IL32: variants seen among roughly 807,000 people sequenced by gnomAD.
IL32 encodes interleukin-32.
A neutral mutation model predicts 16.6 loss-of-function variants in IL32; 30 were observed. That is an observed-to-expected ratio of 1.81 (90% CI 1.35 to 2.45). The LOEUF (loss-of-function observed/expected upper bound fraction) is 2.45. IL32 is among the 30% of genes most tolerant of loss of function. The pLI is 0.00. For missense variants in IL32, 234 were observed against 229.8 expected (o/e 1.02, Z -0.12); for synonymous variants, 70 against 86.1 (o/e 0.81, Z 1.03).
At chr16:3,068,634 G>T (rs970083745) in intron 6 of IL32, 2 of 420,234 alleles carry the variant, frequency 4.8e-6, no homozygotes, top group Non-Finnish European at 4.5e-6. Flanking sequence ...TCTTGATGTG[G>T]TGTGGGCAGG....
At chr16:3,068,630 T>C (rs1355814544) in intron 6 of IL32, 1 of 416,492 alleles carries the variant, frequency 2.4e-6, no homozygotes, top group Non-Finnish European at 4.5e-6. Context: ...CCTGTCTTGA[T>C]GTGGTGTGGG....
intron 6 of IL32, 155 bp downstream of exon 6, chr16:3,068,394 A>G: frequency 1.5e-6 from 1 of 680,698 alleles, no homozygotes; most frequent in Non-Finnish European, 2.5e-6. Context: ...CAACCTCCAA[A>G]TCTCGGGTTT....
chr16:3,066,223 C>T (rs1027180121), intron 2 of IL32, among the ~76,000 whole-genome samples: 2 of 152,000 alleles, frequency 1.3e-5, no homozygotes, highest in Non-Finnish European at 1.5e-5. Context: ...CCTCCGACCT[C>T]CCATCCTCTA....
intron 2 of IL32, 123 bp downstream of exon 2, chr16:3,065,949 A>G: frequency 8.6e-7 from 1 of 1,167,152 alleles, no homozygotes; most frequent in East Asian, 2.3e-5. Context: ...ACCCAGCGGC[A>G]GGAGGATAGT....
intron 2 of IL32, 40 bp downstream of exon 2, chr16:3,065,866 A>G: frequency 6.2e-7 from 1 of 1,613,394 alleles, no homozygotes; most frequent in Non-Finnish European, 8.5e-7. Flanking sequence ...GGCATGTCTG[A>G]AAACAGACCG....
rs768089141 is a variant in IL32, at chr16:3,069,048, C to T, written c.260C>T (p.Ser87Phe). ...GGATTACGGTGCCGAGGCAACAGAT[C>T]CCCTGTCCCGGATGTTGAGGATCCC... is the stretch of plus-strand genomic sequence containing the variant. ...RDGLRCRGNR[S>F]PVPDVEDPAT... The change falls in exon 7 of 7, where the codon TCC becomes TTC. Residue 87 changes from serine (S) to phenylalanine (F), a missense_variant. Ser to Phe is a radical substitution (Grantham distance 155, BLOSUM62 -2). Coordinates refer to ENST00000525643, the MANE Select transcript of IL32 (RefSeq NM_001376923.1). 9 of 1,606,428 alleles carry T rather than the reference C, an allele frequency of 5.6e-6. No homozygotes were observed. The South Asian group carries it at 8.8e-5, about 16-fold the overall frequency.
chr16:3,066,986 A>G (rs1956394324), intron 2 of IL32, among the ~76,000 whole-genome samples: 1 of 91,692 alleles, frequency 1.1e-5, no homozygotes, highest in Non-Finnish European at 2.3e-5. Flanking sequence ...AGGAGGGGTC[A>G]CCTAGGCCCA....
chr16:3,066,276 G>A (rs1421583827), intron 2 of IL32, among the ~76,000 whole-genome samples: 5 of 152,034 alleles, frequency 3.3e-5, no homozygotes, highest in Admixed American at 2.0e-4. Flanking sequence ...CACCCTCCAG[G>A]GAGCTCTTCG....
rs545580673 is a variant in IL32 at position 3,066,142 on chromosome 16, C to A, written c.15+316C>A. The stretch of plus-strand genomic sequence containing the variant: ...CTCGGAGAATGCTTCTCTCAGAGGC[C>A]GGCTCAGCTGGGTGGGCCCAAGAGC... On this transcript the variant is annotated intron_variant, in intron 2 of 6. Coordinates refer to ENST00000525643, the MANE Select transcript of IL32 (RefSeq NM_001376923.1). Among the ~76,000 whole-genome samples the A allele has an allele frequency of 3.3e-5, 5 of 152,240 alleles. No homozygotes were observed. The East Asian group carries it at 7.7e-4, about 24-fold the overall frequency.
At position 3,067,664 on chromosome 16, in the gene IL32, A is replaced by G. The variant is rs116296862; in HGVS notation, c.114+51A>G. On this transcript the variant is annotated intron_variant, in intron 4 of 6. Transcript: ENST00000525643. Reference sequence around the variant, plus strand: ...AGGTCACATGTCCCCGCCCCCAGGCACTCCACCCTGTGTGGGGCTCAGGGT... The same window carrying G: ...AGGTCACATGTCCCCGCCCCCAGGCGCTCCACCCTGTGTGGGGCTCAGGGT... 1.7e-3 allele frequency: 2,301 copies of G among 1,357,906 alleles called. 18 individuals are homozygous for G. In the African/African-American group the frequency reaches 0.019, roughly 12 times the overall value. 84.1% of individuals were successfully genotyped at this position (1,357,906 alleles called of 1,614,324 possible). A position where few individuals can be genotyped will look rare whatever the true frequency, so the allele number is the denominator to read the frequency against.
At chr16:3,066,585 G>A (rs561326006) in intron 2 of IL32, among the ~76,000 whole-genome samples, 1 of 152,016 alleles carries the variant, frequency 6.6e-6, no homozygotes, top group African/African-American at 2.4e-5. Context: ...GGATTCTGTG[G>A]GGTGCCTCTG....
At chr16:3,067,275 G>GTGTGTGTGTGTGTGTGTGTCTC in intron 2 of IL32, 102 bp from the exon 3 acceptor site, 3 of 204,422 alleles carry the variant, frequency 1.5e-5, no homozygotes, top group Non-Finnish European at 2.7e-5. Flanking sequence ...GTGTCTCTGT[G>GTGTGTGTGTGTGTGTGTGTCTC]TGTGTGTGTG....
rs770698538 is a variant in IL32, at chr16:3,067,857, G to C, written c.115-127G>C. On this transcript the variant is annotated intron_variant, in intron 4 of 6. Transcript: ENST00000525643. ...AGGAAACAACAGGGGTGCCAGACGT[G>C]GCCCGGGCCCCTGGCTGGGCCCAGT... The C allele has an allele frequency of 1.4e-5, 16 of 1,137,534 alleles. No homozygotes were observed. The African/African-American group carries it at 2.4e-4, about 17-fold the overall frequency. 70.5% of individuals were successfully genotyped at this position (1,137,534 alleles called of 1,614,324 possible).
At position 3,068,197 on chromosome 16, in the gene IL32, C is replaced by T. The variant is rs1304354366; in HGVS notation, c.159C>T (p.Gly53=). 3.1e-6 allele frequency: 5 copies of T among 1,604,158 alleles called. No homozygotes were observed. The highest frequency in any genetic ancestry group is 2.2e-5 in the East Asian group (1 of 44,542). Reference sequence around the variant, plus strand: ...CTCCCCAGGACGACTTCAAAGAGGGCTACCTGGAGACAGTGGCGGCTTATT... The same window carrying T: ...CTCCCCAGGACGACTTCAAAGAGGGTTACCTGGAGACAGTGGCGGCTTATT... ...LAELEDDFKE[G]YLETVAAYYE... Residue 53 remains glycine, a synonymous_variant, in exon 6 of 7, where the codon GGC becomes GGT. Transcript: ENST00000525643.
chr16:3,066,235 C>T (rs987508526), intron 2 of IL32, among the ~76,000 whole-genome samples: 3 of 151,528 alleles, frequency 2.0e-5, no homozygotes, highest in African/African-American at 7.4e-5. Flanking sequence ...CATCCTCTAC[C>T]ACTGCCCCAC....
chr16:3,067,312 T>G, intron 2 of IL32, 65 bp from the exon 3 acceptor site: 2 of 826,848 alleles, frequency 2.4e-6, no homozygotes, highest in South Asian at 1.6e-5. Context: ...TGTGTGTGTA[T>G]AAATTATCCT....
intron 2 of IL32, among the ~76,000 whole-genome samples, chr16:3,066,668 G>T (rs904769063): frequency 1.3e-5 from 2 of 152,180 alleles, no homozygotes; most frequent in Admixed American, 1.3e-4. Flanking sequence ...GTTGGCAGTC[G>T]GGAAGAGTGG....
chr16:3,065,695 G>T lies in IL32; in HGVS notation c.-29+8G>T, dbSNP rs1463826038. On this transcript the variant is annotated splice_region_variant and intron_variant, in intron 1 of 6. Coordinates refer to ENST00000525643, the MANE Select transcript of IL32 (RefSeq NM_001376923.1). Reference sequence around the variant, plus strand: ...GGAGCTGGGTCATCTCAGGTGGGGAGTTGGGGTCCCCGAAGGTGAGGACCC... The same window carrying T: ...GGAGCTGGGTCATCTCAGGTGGGGATTTGGGGTCCCCGAAGGTGAGGACCC... 3.6e-6 allele frequency: 4 copies of T among 1,123,252 alleles called. No individual in the cohort carries two copies. Among genetic ancestry groups the T allele is most frequent in the Non-Finnish European group, 5.5e-6 (4 of 733,236 alleles). The allele number at this position is 1,123,252 out of a possible 1,614,324, so 69.6% of individuals were successfully genotyped here.
In IL32 at chr16:3,069,139, G is replaced by A. The variant is rs1236493601; in HGVS notation, c.351G>A (p.Gln117=). Reference sequence around the variant, plus strand: ...TGAGATGGTTCCAGGCCATGCTGCAGCGGCTGCAGACCTGGTGGCACGGGG... The same window carrying A: ...TGAGATGGTTCCAGGCCATGCTGCAACGGCTGCAGACCTGGTGGCACGGGG... The part of the protein sequence containing the change: ...KVMRWFQAML[Q]RLQTWWHGVL... Residue 117 remains glutamine (Q), a synonymous_variant, in exon 7 of 7, where the codon CAG becomes CAA. Coordinates refer to ENST00000525643, the MANE Select transcript of IL32 (RefSeq NM_001376923.1). 6.2e-7 allele frequency: 1 copy of A among 1,612,538 alleles called. No homozygotes were observed. The highest frequency in any genetic ancestry group is 1.1e-5 in the South Asian group (1 of 91,020).
Sources: gnomAD v4.1 joint callset for allele counts (sites outside exome capture counted in the v4.1 genomes callset) on GRCh38, gnomAD v4.1.1 for gene constraint, MANE v1.5 for transcripts, NCBI Gene and HGNC (gene_info 2026-07-23, HGNC 2026-07-21) for gene names.